NUMB: variants seen among roughly 807,000 people sequenced by gnomAD.
NUMB encodes the protein NUMB endocytic adaptor protein, also known as protein numb homolog.
A neutral mutation model predicts 59.7 loss-of-function variants in NUMB; 29 were observed. The ratio of observed to expected loss-of-function variants is 0.49; its 90% CI spans 0.36 to 0.66. The LOEUF is 0.66. Among genes scored for constraint, NUMB ranks in the 30% least tolerant of loss-of-function variants. NUMB has a pLI of 0.00. For synonymous variants in NUMB, 288 were observed against 288.2 expected (o/e 1.00, Z 0.01); for missense variants, 723 against 822.0 (o/e 0.88, Z 1.47).
At chr14:73,372,097 G>A (rs569605701) in intron 2 of NUMB, among the ~76,000 whole-genome samples, 62 of 151,314 alleles carry the variant, frequency 4.1e-4, no homozygotes, top group Non-Finnish European at 6.6e-4. Flanking sequence ...GCCAGGCATG[G>A]TGGCAGGAGC....
In NUMB at chr14:73,372,314, TATATATATATATA is replaced by T. The variant is rs1894726679; in HGVS notation, c.-100-5346_-100-5334del. ...TATATATATATTTCTTTTATATATA[TATATATATATATA>T]TATATATATAACCTTTTATATATAT... On this transcript the variant is annotated intron_variant, in intron 2 of 12. Transcript: ENST00000555238. Among the ~76,000 whole-genome samples the T allele has an allele frequency of 3.0e-5, 3 of 100,230 alleles. No homozygotes were observed. In the South Asian group the frequency reaches 9.9e-4, roughly 33 times the overall value. The allele number at this position is 100,230 out of a possible 152,430, so 65.8% of individuals were successfully genotyped here.
At chr14:73,439,158 C>G (rs1489683175) in intron 1 of NUMB, among the ~76,000 whole-genome samples, 1 of 152,064 alleles carries the variant, frequency 6.6e-6, no homozygotes, top group Non-Finnish European at 1.5e-5. Context: ...TACAAAGCAA[C>G]AAAAGAAGGG....
At chr14:73,447,836 G>A (rs1883644063) in intron 1 of NUMB, among the ~76,000 whole-genome samples, 2 of 149,462 alleles carry the variant, frequency 1.3e-5, no homozygotes, top group African/African-American at 4.9e-5. Flanking sequence ...AGGCTGGAGT[G>A]CAGTGGCACA....
intron 4 of NUMB, among the ~76,000 whole-genome samples, chr14:73,350,960 A>C (rs1271634623): frequency 6.6e-6 from 1 of 152,168 alleles, no homozygotes; most frequent in Admixed American, 6.5e-5. Flanking sequence ...CCTTGTATCT[A>C]GCATGGGCTA....
chr14:73,403,058 A>C (rs920356927), intron 2 of NUMB, among the ~76,000 whole-genome samples: 1 of 152,208 alleles, frequency 6.6e-6, no homozygotes, highest in Non-Finnish European at 1.5e-5. Context: ...AGACGAAAAC[A>C]GCTGGAGGTG....
intron 1 of NUMB, among the ~76,000 whole-genome samples, chr14:73,439,237 C>G (rs1290911358): frequency 1.3e-5 from 2 of 152,100 alleles, no homozygotes; most frequent in African/African-American, 4.8e-5. Context: ...TGGCAAAGTA[C>G]CAGCCTCTAA....
chr14:73,320,610 T>C (rs2139916976), intron 5 of NUMB, among the ~76,000 whole-genome samples: 1 of 152,286 alleles, frequency 6.6e-6, no homozygotes, highest in Non-Finnish European at 1.5e-5. Flanking sequence ...TTGGTAAACT[T>C]AAAACATTAG....
intron 3 of NUMB, among the ~76,000 whole-genome samples, chr14:73,357,737 T>G (rs930118330): frequency 1.1e-4 from 16 of 152,236 alleles, no homozygotes; most frequent in South Asian, 6.2e-4. Context: ...CACTCCAGCC[T>G]GGGCAACAGA....
rs1566759312 is a variant in NUMB, at chr14:73,357,410, A to AAG, written c.-15-1645_-15-1644insCT. Among the ~76,000 whole-genome samples, 7 of 151,020 alleles carry AAG rather than the reference A, an allele frequency of 4.6e-5. No homozygotes were observed. The South Asian group carries it at 1.3e-3, about 27-fold the overall frequency. On this transcript the variant is annotated intron_variant, in intron 3 of 12. Transcript: ENST00000555238. The stretch of plus-strand genomic sequence containing the variant: ...AGAGAGAAACTCTGTCAAAAAAAAA[A>AAG]AAAGAAAGAAAGAAAGAAAGGAAAT...
intron 4 of NUMB, among the ~76,000 whole-genome samples, chr14:73,336,528 C>T (rs1311144963): frequency 6.6e-6 from 1 of 152,176 alleles, no homozygotes; most frequent in Non-Finnish European, 1.5e-5. Flanking sequence ...TGGGCATTCT[C>T]ATCTTGCTAA....
At chr14:73,304,377 C>G (rs1301563386) in intron 6 of NUMB, among the ~76,000 whole-genome samples, 4 of 152,064 alleles carry the variant, frequency 2.6e-5, no homozygotes, top group Non-Finnish European at 5.9e-5. Flanking sequence ...GTGGTGTGAT[C>G]ACAGCTCACT....
chr14:73,380,849 C>G (rs1303579257), intron 2 of NUMB, among the ~76,000 whole-genome samples: 1 of 151,952 alleles, frequency 6.6e-6, no homozygotes, highest in Non-Finnish European at 1.5e-5. Context: ...TTCAACCTCC[C>G]AAGTAGCTGG....
At position 73,364,301 on chromosome 14, in the gene NUMB, C is replaced by T. The variant is rs151287000; in HGVS notation, c.-16+2596G>A. Among the ~76,000 whole-genome samples the T allele has an allele frequency of 4.8e-3, 732 of 151,998 alleles. 8 individuals are homozygous for T. Among genetic ancestry groups the T allele is most frequent in the African/African-American group, 0.017 (698 of 41,454 alleles). On this transcript the variant is annotated intron_variant, in intron 3 of 12. Coordinates refer to ENST00000555238, the MANE Select transcript of NUMB (RefSeq NM_001005743.2). The stretch of plus-strand genomic sequence containing the variant: ...GGCGGATAACCTGAGGTCAGGAGTT[C>T]GAGACCAGCCTGGCCAACATGGTGA...
chr14:73,363,860 G>GA (rs1344013000), intron 3 of NUMB, among the ~76,000 whole-genome samples: 4 of 152,174 alleles, frequency 2.6e-5, no homozygotes, highest in African/African-American at 9.7e-5. Context: ...GACGTGCGAT[G>GA]AAAACTTGAG....
chr14:73,277,332 G>A, intron 12 of NUMB, 39 bp from the exon 13 acceptor site: 1 of 1,459,082 alleles, frequency 6.9e-7, no homozygotes. Context: ...AATCAGTTAG[G>A]GGCATCTTTC....
At chr14:73,410,389 AT>A (rs1896846474) in intron 1 of NUMB, among the ~76,000 whole-genome samples, 1 of 152,186 alleles carries the variant, frequency 6.6e-6, no homozygotes, top group Non-Finnish European at 1.5e-5. Flanking sequence ...CCAGATCAAA[AT>A]TTTGGGCTAG....
chr14:73,318,499 A>G (rs1891203566), intron 5 of NUMB, among the ~76,000 whole-genome samples: 3 of 152,242 alleles, frequency 2.0e-5, no homozygotes, highest in Admixed American at 2.0e-4. Context: ...AGGGAGAGAC[A>G]TTTAAGAAAC....
At chr14:73,302,421 TTTTTG>T in intron 6 of NUMB, among the ~76,000 whole-genome samples, 1 of 147,024 alleles carries the variant, frequency 6.8e-6, no homozygotes, top group African/African-American at 2.6e-5. Context: ...TTTTTTTTTT[TTTTTG>T]AGACGAGTCT....
chr14:73,430,704 G>C (rs1001880270), intron 1 of NUMB, among the ~76,000 whole-genome samples: 1 of 152,060 alleles, frequency 6.6e-6, no homozygotes, highest in African/African-American at 2.4e-5. Flanking sequence ...CACTTTGGGA[G>C]TCCGAGGCGG....
Sources: gnomAD v4.1 joint callset for allele counts (sites outside exome capture counted in the v4.1 genomes callset) on GRCh38, gnomAD v4.1.1 for gene constraint, MANE v1.5 for transcripts, NCBI Gene and HGNC (gene_info 2026-07-23, HGNC 2026-07-21) for gene names.